Variants in CUX1 observed in about 807,000 individuals in gnomAD.
CUX1 encodes the protein cut like homeobox 1, also known as protein CASP.
CUX1 carries 31 observed loss-of-function variants against 158.8 expected under a neutral mutation model. The ratio of observed to expected loss-of-function variants is 0.20; its 90% CI spans 0.15 to 0.26. CUX1 has a LOEUF of 0.26. Ranked by LOEUF, CUX1 falls within the 10% of genes least tolerant of loss-of-function variation. The pLI, the probability that CUX1 is intolerant of heterozygous loss-of-function variation, is 1.00. For synonymous variants in CUX1, 879 were observed against 862.1 expected (o/e 1.02, Z -0.34); for missense variants, 1,589 against 2,014.6 (o/e 0.79, Z 4.04).
chr7:101,983,033 AT>A, intron 2 of CUX1, among the ~76,000 whole-genome samples: 1 of 36,344 alleles, frequency 2.8e-5, no homozygotes, highest in East Asian at 1.0e-3. Context: ...AGCACTAGTC[AT>A]TCATTCATTC....
Position 102,071,342 on chromosome 7 carries a change from C to A in CUX1, c.268+925C>A, listed in dbSNP as rs953006451. On this transcript the variant is annotated intron_variant, in intron 4 of 23. Transcript: ENST00000292535. ...TTCTAAGAGGTGATGGCTTCCGATT[C>A]TTTATTCTGGAAAAGTGAGAAGGCA... Among the ~76,000 whole-genome samples, 8 of 152,214 alleles carry A rather than the reference C, an allele frequency of 5.3e-5. No homozygotes were observed. The East Asian group carries it at 1.5e-3, about 29-fold the overall frequency.
Position 102,217,284 on chromosome 7 carries a change from T to C in CUX1, c.3131-10083T>C, listed in dbSNP as rs78725441. 7.9e-5 allele frequency among the ~76,000 whole-genome samples: 12 copies of C among 152,388 alleles called. No homozygotes were observed. The East Asian group carries it at 2.1e-3, about 27-fold the overall frequency. On this transcript the variant is annotated intron_variant, in intron 20 of 23. Transcript: ENST00000292535. ...ATATCTTCAAGCTCTGCTTTTGATA[T>C]GCTTATTTCCTTAAGAGCTTATAAA...
intron 7 of CUX1, among the ~76,000 whole-genome samples, chr7:102,112,705 G>A (rs746849975): frequency 4.6e-5 from 7 of 151,720 alleles, no homozygotes; most frequent in East Asian, 1.9e-4. Flanking sequence ...CCAGTAGGTC[G>A]GATTACAGAT....
rs1563503317 is a variant in CUX1 at position 102,255,888 on chromosome 7, ATG to A, written c.*6850_*6851del. ...ACGGAAAGCACTTAAATAGATGACT[ATG>A]TGTAAAAGCTCTGTGCAATTGAAAT... On this transcript the variant is annotated 3_prime_UTR_variant, in exon 24 of 24. Coordinates refer to ENST00000292535, the MANE Select transcript of CUX1 (RefSeq NM_181552.4). 2 of 984,568 alleles carry A rather than the reference ATG, an allele frequency of 2.0e-6. No homozygotes were observed. The highest frequency in any genetic ancestry group is 1.1e-4 in the East Asian group (1 of 8,824). The allele number at this position is 984,568 out of a possible 1,614,324, so 61.0% of individuals were successfully genotyped here.
upstream of CUX1, chr7:101,817,160 C>A (rs1157301261): frequency 1.0e-6 from 1 of 984,266 alleles, no homozygotes; most frequent in Admixed American, 6.2e-5. The surrounding 1 kb of genome is among the most constrained non-coding windows in gnomAD (Gnocchi z 4.1). Context: ...CTGCAACTTT[C>A]CCCTAGGCAG....
intron 9 of CUX1, among the ~76,000 whole-genome samples, chr7:102,165,188 C>T (rs1790881772): frequency 6.6e-6 from 1 of 152,020 alleles, no homozygotes; most frequent in South Asian, 2.1e-4. Context: ...GCAGCTGGCC[C>T]AAGGCCCTGT....
At chr7:101,973,864 G>A (rs1298317787) in intron 2 of CUX1, among the ~76,000 whole-genome samples, 1 of 151,344 alleles carries the variant, frequency 6.6e-6, no homozygotes, top group Non-Finnish European at 1.5e-5. Flanking sequence ...CACCTCCCAG[G>A]TTCAAGAGAT....
chr7:102,282,634 C>A, intron 21 of CUX1: 1 of 1,494,348 alleles, frequency 6.7e-7, no homozygotes, highest in Non-Finnish European at 9.2e-7. Flanking sequence ...TGTTCCAGGC[C>A]AGGCCCAGGG....
intron 1 of CUX1, among the ~76,000 whole-genome samples, chr7:101,830,775 G>T (rs1323784590): frequency 6.6e-6 from 1 of 152,074 alleles, no homozygotes; most frequent in Admixed American, 6.5e-5. Flanking sequence ...ACTCTTGCCT[G>T]CCTGATTTTT....
At chr7:102,100,095 C>T (rs782150454) in intron 5 of CUX1, among the ~76,000 whole-genome samples, 2 of 152,128 alleles carry the variant, frequency 1.3e-5, no homozygotes, top group Non-Finnish European at 2.9e-5. Context: ...GCCTGGCCAA[C>T]ATGACGAAAC....
At chr7:102,191,685 A>G (rs191564518) in intron 12 of CUX1, among the ~76,000 whole-genome samples, 89 of 152,214 alleles carry the variant, frequency 5.8e-4, no homozygotes, top group African/African-American at 2.0e-3. Context: ...CCTGGGAGTT[A>G]GTCGTCGTCT....
intron 17 of CUX1, among the ~76,000 whole-genome samples, chr7:102,277,203 T>G (rs1211721376): frequency 6.6e-6 from 1 of 151,594 alleles, no homozygotes; most frequent in Non-Finnish European, 1.5e-5. Flanking sequence ...GAGGCTGAGA[T>G]GGGAGGATCG....
At chr7:101,982,418 TTTTTTTTC>T (rs1172065487) in intron 2 of CUX1, among the ~76,000 whole-genome samples, 5 of 152,108 alleles carry the variant, frequency 3.3e-5, no homozygotes, top group African/African-American at 4.8e-5. Flanking sequence ...TAAATTTCTT[TTTTTTTTC>T]TTTTTTTCTT....
chr7:102,158,189 C>T (rs560103312), intron 8 of CUX1, among the ~76,000 whole-genome samples: 2 of 152,268 alleles, frequency 1.3e-5, no homozygotes, highest in Admixed American at 1.3e-4. Flanking sequence ...TGCAGCCTTC[C>T]TTGATTCCCT....
chr7:102,190,006 G>A (rs1480050024), intron 12 of CUX1, 135 bp downstream of exon 12: 26 of 873,732 alleles, frequency 3.0e-5, no homozygotes, highest in Non-Finnish European at 4.7e-5. Context: ...TGCAGCCAGA[G>A]TTCTACCACT....
intron 1 of CUX1, among the ~76,000 whole-genome samples, chr7:101,884,851 C>T (rs150680506): frequency 9.2e-5 from 14 of 152,188 alleles, no homozygotes; most frequent in African/African-American, 1.7e-4. Flanking sequence ...GATTTGAAGC[C>T]GTTTCCCCCT....
intron 5 of CUX1, among the ~76,000 whole-genome samples, chr7:102,098,064 G>A (rs1372641626): frequency 6.6e-6 from 1 of 152,246 alleles, no homozygotes; most frequent in Non-Finnish European, 1.5e-5. Flanking sequence ...TTTCCCGTCA[G>A]GGAAGAACAA....
chr7:102,102,423 CAAAAAAA>C (rs67525163), intron 5 of CUX1, among the ~76,000 whole-genome samples: 1 of 75,026 alleles, frequency 1.3e-5, no homozygotes, highest in Non-Finnish European at 2.3e-5. Flanking sequence ...GACTCCGCCT[CAAAAAAA>C]AAAAAAAAAA....
chr7:102,207,117 A>T (rs1796029544), intron 20 of CUX1, among the ~76,000 whole-genome samples: 1 of 152,160 alleles, frequency 6.6e-6, no homozygotes, highest in Non-Finnish European at 1.5e-5. Context: ...TCCTAAGAGG[A>T]ATGTAAATGA....
Sources: gnomAD v4.1 joint callset for allele counts (sites outside exome capture counted in the v4.1 genomes callset) on GRCh38, gnomAD v4.1.1 for gene constraint, Gnocchi (gnomAD v3.1) non-coding constraint, MANE v1.5 for transcripts, NCBI Gene and HGNC (gene_info 2026-07-23, HGNC 2026-07-21) for gene names.